ARHGEF18: variants seen among roughly 807,000 people sequenced by gnomAD.
The protein encoded by ARHGEF18 is Rho/Rac guanine nucleotide exchange factor 18.
Under a neutral mutation model 155.7 loss-of-function variants are expected in ARHGEF18, and 93 were observed. That is an observed-to-expected ratio of 0.60 (90% CI 0.50 to 0.71). The LOEUF (loss-of-function observed/expected upper bound fraction) is 0.71. Among genes scored for constraint, ARHGEF18 ranks in the 30% least tolerant of loss-of-function variants. The pLI is 0.00. For synonymous variants in ARHGEF18, 742 were observed against 753.1 expected, an observed-to-expected ratio of 0.99 and a Z score of 0.24; for missense variants, 1,593 against 1,816.1, an observed-to-expected ratio of 0.88 and a Z score of 2.23.
chr19:7,376,906 C>T, intron 5 of ARHGEF18, 149 bp downstream of exon 5: 1 of 540,880 alleles, frequency 1.8e-6, no homozygotes, highest in Non-Finnish European at 2.8e-6. Flanking sequence ...GGGAAGGGAG[C>T]TGGCTTAGGG....
At chr19:7,477,570 GC>G in the ARHGEF18 span, 1 of 710,014 alleles carries the variant, frequency 1.4e-6, no homozygotes, top group Non-Finnish European at 2.1e-6. Flanking sequence ...GACTGAGGTG[GC>G]CTCCCTGACC....
At chr19:7,468,149 C>T (rs1374719021) in intron 26 of ARHGEF18, among the ~76,000 whole-genome samples, 1 of 151,146 alleles carries the variant, frequency 6.6e-6, no homozygotes, top group Non-Finnish European at 1.5e-5. Context: ...TGCCATGAGC[C>T]GTGATCACGC....
intron 15 of ARHGEF18, among the ~76,000 whole-genome samples, chr19:7,448,522 G>A (rs150148588): frequency 0.011 from 1,704 of 152,166 alleles, 14 homozygotes; most frequent in Non-Finnish European, 0.018. Flanking sequence ...TTAGCCAGGC[G>A]TGGTGGTGGG....
At chr19:7,421,840 G>A (rs769294386) in intron 10 of ARHGEF18, among the ~76,000 whole-genome samples, 1 of 152,144 alleles carries the variant, frequency 6.6e-6, no homozygotes, top group Admixed American at 6.6e-5. Flanking sequence ...CAGGACTTCT[G>A]AGCAGAGGGT....
In ARHGEF18 at chr19:7,463,676, C is replaced by A; in HGVS notation, c.2636-142C>A. ...TGCGCAGGGACAGTGGGGCTGAAAT[C>A]CCACGGCACACAGAAGGGGGCAGGC... On this transcript the variant is annotated intron_variant, in intron 21 of 28. Coordinates refer to ENST00000668164, the MANE Select transcript of ARHGEF18 (RefSeq NM_001367823.1). The surrounding 1 kb of genome is among the most constrained non-coding windows in gnomAD (Gnocchi z 5.2). 2.8e-6 allele frequency: 3 copies of A among 1,083,532 alleles called. No individual in the cohort carries two copies. Among genetic ancestry groups the A allele is most frequent in the South Asian group, 1.7e-5 (1 of 59,804 alleles). The allele number at this position is 1,083,532 out of a possible 1,614,324, so 67.1% of individuals were successfully genotyped here. A position where few individuals can be genotyped will look rare whatever the true frequency, so the allele number is the denominator to read the frequency against.
downstream of ARHGEF18, chr19:7,472,753 C>T (rs556277152): frequency 4.6e-4 from 157 of 341,974 alleles, no homozygotes; most frequent in Admixed American, 7.6e-4. Flanking sequence ...AGGCTGGAGA[C>T]CAGTGGCAGG....
chr19:7,385,444 A>G (rs1195180481), intron 10 of ARHGEF18, among the ~76,000 whole-genome samples: 1 of 32,916 alleles, frequency 3.0e-5, no homozygotes, highest in Non-Finnish European at 5.7e-5. Flanking sequence ...TGGGAACTTC[A>G]TTATTATTAT....
chr19:7,463,883 G>A lies in ARHGEF18; in HGVS notation c.2701G>A (p.Gly901Ser), dbSNP rs752757593. Residue 901 changes from glycine to serine, a missense_variant, in exon 22 of 29, where the codon GGC becomes AGC. By Grantham distance (56) the Gly-to-Ser change is moderately conservative. Transcript: ENST00000668164. The surrounding 1 kb of genome is among the most constrained non-coding windows in gnomAD (Gnocchi z 5.2). ...CGCCAACGGCCAGGCGGAAGACGGA[G>A]GCAGCTCCACAGGCCCGCCCAGGAG... ...GSANGQAEDG[G>S]SSTGPPRRAE... 4 of 1,602,056 alleles carry A rather than the reference G, an allele frequency of 2.5e-6. No homozygotes were observed. The highest frequency in any genetic ancestry group is 3.4e-6 in the Non-Finnish European group (4 of 1,174,982).
rs79971134 is a variant in ARHGEF18 at position 7,431,178 on chromosome 19, G to A, written c.968-9166G>A. Among the ~76,000 whole-genome samples, 1,343 of 152,060 alleles carry A rather than the reference G, an allele frequency of 8.8e-3. 14 individuals carry two copies. The highest frequency in any genetic ancestry group is 0.027 in the African/African-American group (1,123 of 41,460). ...CAAAACATAAAAAGATAAAATAACA[G>A]TAGTACCTACTTTTGAGTCATTGTG... On this transcript the variant is annotated intron_variant, in intron 10 of 28. Transcript: ENST00000668164.
chr19:7,422,716 CTTT>C (rs67634093), intron 10 of ARHGEF18, among the ~76,000 whole-genome samples: 14 of 111,210 alleles, frequency 1.3e-4, no homozygotes, highest in Middle Eastern at 6.1e-3. Context: ...TCTAACTTTT[CTTT>C]TTTTTTTTTT....
chr19:7,355,648 C>T (rs1482211153), intron 1 of ARHGEF18: 12 of 985,374 alleles, frequency 1.2e-5, no homozygotes, highest in Non-Finnish European at 1.4e-5. Flanking sequence ...CGGTGCTCAA[C>T]CACTCCTGGC....
At chr19:7,409,370 A>T (rs1043674739) in intron 10 of ARHGEF18, among the ~76,000 whole-genome samples, 2 of 145,924 alleles carry the variant, frequency 1.4e-5, no homozygotes, top group Non-Finnish European at 3.0e-5. Context: ...GTCCCAGTCC[A>T]TGCTATGGAA....
At chr19:7,379,457 G>A (rs896979433) in intron 7 of ARHGEF18, among the ~76,000 whole-genome samples, 12 of 152,196 alleles carry the variant, frequency 7.9e-5, no homozygotes, top group African/African-American at 2.9e-4. Flanking sequence ...TACTCAGGAG[G>A]CTGAGGCAGG....
In ARHGEF18 at chr19:7,377,785, C is replaced by CAAA. The variant is rs60336111; in HGVS notation, c.542-594_542-592dup. 2.3e-3 allele frequency among the ~76,000 whole-genome samples: 243 copies of CAAA among 103,754 alleles called. 7 individuals are homozygous for CAAA. In the East Asian group the frequency reaches 0.062, roughly 27 times the overall value. The allele number at this position is 103,754 out of a possible 152,430, so 68.1% of individuals were successfully genotyped here. ...TCTGGGTGACAGAGTGAAACCGTCT[C>CAAA]AAAAAAAAAAAAAAAAAGGCCTGGT... On this transcript the variant is annotated intron_variant, in intron 5 of 28. Transcript: ENST00000668164.
In ARHGEF18 at chr19:7,471,059, G is replaced by A; in HGVS notation, c.*761G>A. ...CTGTTTCCCAAACTCTGCTTCCCAA[G>A]GGCAACCGTTGCTGTTCACACGCTC... On this transcript the variant is annotated 3_prime_UTR_variant, in exon 29 of 29. Coordinates refer to ENST00000668164, the MANE Select transcript of ARHGEF18 (RefSeq NM_001367823.1). This position sits in a 1 kb window ranked among gnomAD's most constrained non-coding sequence, Gnocchi z 4.4. 2.7e-6 allele frequency: 1 copy of A among 366,054 alleles called. No individual in the cohort carries two copies. The highest frequency in any genetic ancestry group is 1.5e-4 in the South Asian group (1 of 6,716). 22.7% of individuals were successfully genotyped at this position (366,054 alleles called of 1,614,324 possible). A position where few individuals can be genotyped will look rare whatever the true frequency, so the allele number is the denominator to read the frequency against.
rs1453087261 is a variant in ARHGEF18, at chr19:7,395,150, C to G, written c.967+11947C>G. 6 of 985,658 alleles carry G rather than the reference C, an allele frequency of 6.1e-6. No homozygotes were observed. The South Asian group carries it at 2.8e-4, about 46-fold the overall frequency. The allele number at this position is 985,658 out of a possible 1,614,324, so 61.1% of individuals were successfully genotyped here. A position where few individuals can be genotyped will look rare whatever the true frequency, so the allele number is the denominator to read the frequency against. The stretch of plus-strand genomic sequence containing the variant: ...CCCGCTTCCGGCTCCCAGCTGCTAG[C>G]TACTGTGGATCTGGGGGGGCCGGAC... On this transcript the variant is annotated intron_variant, in intron 10 of 28. Coordinates refer to ENST00000668164, the MANE Select transcript of ARHGEF18 (RefSeq NM_001367823.1). The surrounding 1 kb of genome is among the most constrained non-coding windows in gnomAD (Gnocchi z 5.0).
At chr19:7,384,131 C>G (rs1377369905) in intron 10 of ARHGEF18, among the ~76,000 whole-genome samples, 1 of 152,194 alleles carries the variant, frequency 6.6e-6, no homozygotes, top group Non-Finnish European at 1.5e-5. Context: ...TGGCAGAACT[C>G]AGGCTAGTTC....
chr19:7,363,375 AGATG>A (rs1330167820), intron 2 of ARHGEF18, among the ~76,000 whole-genome samples: 1 of 152,002 alleles, frequency 6.6e-6, no homozygotes, highest in Non-Finnish European at 1.5e-5. Context: ...CTAGATGGAT[AGATG>A]GATGGACTGA....
At chr19:7,389,514 C>T (rs200496873) in intron 10 of ARHGEF18, among the ~76,000 whole-genome samples, 9 of 70,224 alleles carry the variant, frequency 1.3e-4, no homozygotes, top group East Asian at 1.2e-3. Flanking sequence ...TTCCTTCCTT[C>T]CTTTCTTTCT....
Sources: allele counts gnomAD v4.1 joint callset (sites outside exome capture counted in the v4.1 genomes callset), GRCh38; gene constraint gnomAD v4.1.1; non-coding constraint Gnocchi (gnomAD v3.1); transcripts MANE v1.5; gene names NCBI Gene and HGNC (gene_info 2026-07-23, HGNC 2026-07-21).